Variants in GABBR2 observed in about 807,000 individuals in gnomAD.
GABBR2 encodes the protein gamma-aminobutyric acid type B receptor subunit 2.
Under a neutral mutation model 105.6 loss-of-function variants are expected in GABBR2, and 23 were observed. The observed-to-expected ratio is 0.22, with a 90% confidence interval of 0.16 to 0.31. The LOEUF (loss-of-function observed/expected upper bound fraction) is 0.31. Ranked by LOEUF, GABBR2 falls within the 10% of genes least tolerant of loss-of-function variation. The pLI is 1.00. For synonymous variants in GABBR2, 478 were observed against 499.7 expected, an observed-to-expected ratio of 0.96 and a Z score of 0.58; for missense variants, 734 against 1,245.5, an observed-to-expected ratio of 0.59 and a Z score of 6.18.
chr9:98,570,191 C>T (rs192660938), intron 2 of GABBR2, among the ~76,000 whole-genome samples: 41 of 152,294 alleles, frequency 2.7e-4, no homozygotes, highest in South Asian at 2.1e-4. Flanking sequence ...TGACACAAGC[C>T]GAAATGTTCC....
intron 18 of GABBR2, among the ~76,000 whole-genome samples, chr9:98,292,797 T>C (rs1049512615): frequency 2.0e-5 from 3 of 152,248 alleles, no homozygotes; most frequent in African/African-American, 7.2e-5. Flanking sequence ...CTGTTCACCT[T>C]TCATTCATTC....
chr9:98,656,863 G>T (rs1007658208), intron 1 of GABBR2, among the ~76,000 whole-genome samples: 1 of 152,184 alleles, frequency 6.6e-6, no homozygotes, highest in African/African-American at 2.4e-5. Context: ...ACAAGAAGGG[G>T]TCAGCAGCAG....
intron 3 of GABBR2, among the ~76,000 whole-genome samples, chr9:98,513,720 C>G (rs532240046): frequency 9.9e-5 from 15 of 152,242 alleles, no homozygotes; most frequent in African/African-American, 3.4e-4. Flanking sequence ...CCATCTCACA[C>G]CAGTTAGAAT....
At chr9:98,602,781 A>T (rs1455706560) in intron 1 of GABBR2, among the ~76,000 whole-genome samples, 1 of 152,208 alleles carries the variant, frequency 6.6e-6, no homozygotes, top group Non-Finnish European at 1.5e-5. Flanking sequence ...TTTTTTAGCA[A>T]ACTACCTTGT....
intron 7 of GABBR2, among the ~76,000 whole-genome samples, chr9:98,433,022 A>T (rs1422677854): frequency 6.6e-6 from 1 of 152,164 alleles, no homozygotes; most frequent in Non-Finnish European, 1.5e-5. Context: ...AGCTCAGGAT[A>T]CTCTGTTCAC....
At chr9:98,421,836 A>G (rs1291848451) in intron 7 of GABBR2, among the ~76,000 whole-genome samples, 3 of 152,268 alleles carry the variant, frequency 2.0e-5, no homozygotes, top group Admixed American at 2.0e-4. Flanking sequence ...AAGAGTGGAT[A>G]CGTGACCAAG....
Position 98,549,885 on chromosome 9 carries a change from C to T in GABBR2, c.460-7842G>A, listed in dbSNP as rs148353108. ...AGGTACTACCCAATCTACGACCAGA[C>T]CACAGGGCCTGATGGCTCCCCTGAA... On this transcript the variant is annotated intron_variant, in intron 2 of 18. Transcript: ENST00000259455. Among the ~76,000 whole-genome samples, 349 of 152,290 alleles carry T rather than the reference C, an allele frequency of 2.3e-3. 2 individuals carry two copies. Among genetic ancestry groups the T allele is most frequent in the African/African-American group, 8.2e-3 (339 of 41,564 alleles).
intron 6 of GABBR2, among the ~76,000 whole-genome samples, chr9:98,470,425 CT>C (rs1263109237): frequency 1.3e-5 from 2 of 152,084 alleles, no homozygotes; most frequent in East Asian, 3.9e-4. Context: ...TGAATTTCCC[CT>C]TATCAAACAA....
intron 1 of GABBR2, among the ~76,000 whole-genome samples, chr9:98,619,596 C>A (rs771767717): frequency 3.4e-4 from 51 of 152,204 alleles, no homozygotes; most frequent in Non-Finnish European, 5.6e-4. Flanking sequence ...GGTTAAAGTG[C>A]CTTTTTAAAT....
intron 1 of GABBR2, among the ~76,000 whole-genome samples, chr9:98,611,601 A>G: frequency 6.6e-6 from 1 of 152,192 alleles, no homozygotes; most frequent in Non-Finnish European, 1.5e-5. Flanking sequence ...AGGAAAAATG[A>G]GCTGGCAAGG....
At chr9:98,423,455 TG>T (rs1420586082) in intron 7 of GABBR2, among the ~76,000 whole-genome samples, 2 of 152,226 alleles carry the variant, frequency 1.3e-5, no homozygotes, top group African/African-American at 4.8e-5. Context: ...TTGATGGGGT[TG>T]TTTTTTTCTT....
chr9:98,579,330 T>G (rs1482849231), intron 1 of GABBR2, among the ~76,000 whole-genome samples: 1 of 152,182 alleles, frequency 6.6e-6, no homozygotes, highest in African/African-American at 2.4e-5. Context: ...CGACCCAGCA[T>G]AGGAATGGAA....
chr9:98,626,511 T>C (rs1448006090), intron 1 of GABBR2, among the ~76,000 whole-genome samples: 13 of 152,204 alleles, frequency 8.5e-5, no homozygotes, highest in Admixed American at 8.5e-4. Flanking sequence ...GTGAAGAGCC[T>C]GGGTCAAATC....
chr9:98,546,916 C>T (rs1184244427), intron 2 of GABBR2, among the ~76,000 whole-genome samples: 1 of 120,424 alleles, frequency 8.3e-6, no homozygotes, highest in Non-Finnish European at 1.9e-5. Flanking sequence ...TTAATAGGTA[C>T]CTTGAGAAGG....
At chr9:98,583,094 T>A (rs1829024546) in intron 1 of GABBR2, among the ~76,000 whole-genome samples, 1 of 152,138 alleles carries the variant, frequency 6.6e-6, no homozygotes, top group Non-Finnish European at 1.5e-5. Context: ...CTCCTCCAGA[T>A]CAGAGCTCTT....
intron 1 of GABBR2, among the ~76,000 whole-genome samples, chr9:98,683,952 GAGC>G: frequency 6.8e-6 from 1 of 146,846 alleles, no homozygotes; most frequent in South Asian, 2.2e-4. Context: ...AGCTTGCAGT[GAGC>G]CGAGATCTCG....
intron 1 of GABBR2, among the ~76,000 whole-genome samples, chr9:98,650,750 G>A (rs960726911): frequency 1.2e-4 from 18 of 152,158 alleles, no homozygotes; most frequent in African/African-American, 3.6e-4. Flanking sequence ...AGATTATTAA[G>A]CCTTAAAAAG....
intron 6 of GABBR2, among the ~76,000 whole-genome samples, chr9:98,456,885 TTTAGGTGAATTTCCTAATTATG>T (rs1564076525): frequency 2.0e-5 from 3 of 152,392 alleles, no homozygotes; most frequent in African/African-American, 7.2e-5. Flanking sequence ...ATCTTAATTT[TTTAGGTGAATTTCCTAATTATG>T]TTAGGTGAAT....
chr9:98,611,559 G>C (rs770021952), intron 1 of GABBR2, among the ~76,000 whole-genome samples: 18 of 152,200 alleles, frequency 1.2e-4, no homozygotes, highest in Non-Finnish European at 2.4e-4. Context: ...CCAAGCCATA[G>C]GCTAGCTGCT....
Sources: allele counts gnomAD v4.1 joint callset (sites outside exome capture counted in the v4.1 genomes callset), GRCh38; gene constraint gnomAD v4.1.1; transcripts MANE v1.5; gene names NCBI Gene and HGNC (gene_info 2026-07-23, HGNC 2026-07-21).